The following ZNF892 variants were observed in gnomAD, a reference collection of about 807,000 sequenced individuals.
ZNF892 encodes zinc finger protein 892, also known as zinc finger protein 570-like.
chr2:95,250,062 A>G, the ZNF892 span, among the ~76,000 whole-genome samples: 1 of 152,162 alleles, frequency 6.6e-6, no homozygotes, highest in African/African-American at 2.4e-5. Context: ...TAAAGCTAGT[A>G]ATCTTATTTT....
the ZNF892 span, chr2:95,215,229 G>T: frequency 2.2e-6 from 1 of 458,150 alleles, no homozygotes; most frequent in East Asian, 3.3e-5. Context: ...GAAAGCCTTT[G>T]GCTACTGCTC....
the ZNF892 span, among the ~76,000 whole-genome samples, chr2:95,257,722 C>T: frequency 1.3e-5 from 2 of 152,172 alleles, no homozygotes; most frequent in African/African-American, 2.4e-5. Flanking sequence ...CCACCTAGTT[C>T]GAGCTTCCCT....
At chr2:95,220,657 T>TAGGGTTTGTGGTATATAACCTA in the ZNF892 span, among the ~76,000 whole-genome samples, 4 of 152,170 alleles carry the variant, frequency 2.6e-5, no homozygotes, top group African/African-American at 9.6e-5. Flanking sequence ...GTGGTATATA[T>TAGGGTTTGTGGTATATAACCTA]AGGGTTTGTG....
the ZNF892 span, among the ~76,000 whole-genome samples, chr2:95,256,767 A>G: frequency 6.6e-6 from 1 of 151,982 alleles, no homozygotes. Flanking sequence ...GGCTTTGTTC[A>G]TTTCTTTTTA....
At chr2:95,237,260 G>C in the ZNF892 span, among the ~76,000 whole-genome samples, 1 of 151,562 alleles carries the variant, frequency 6.6e-6, no homozygotes, top group South Asian at 2.1e-4. Context: ...TGATTCTCCT[G>C]CCTCAGTCTC....
At chr2:95,211,025 G>T in the ZNF892 span, among the ~76,000 whole-genome samples, 1 of 152,104 alleles carries the variant, frequency 6.6e-6, no homozygotes, top group South Asian at 2.1e-4. Context: ...CCAACTGGGG[G>T]ACGCGGGCAG....
At chr2:95,239,053 C>T in the ZNF892 span, among the ~76,000 whole-genome samples, 5 of 150,984 alleles carry the variant, frequency 3.3e-5, no homozygotes, top group South Asian at 2.1e-4. Flanking sequence ...GCAGGAGAAT[C>T]GCTTGAACCC....
the ZNF892 span, chr2:95,207,479 G>A: frequency 4.3e-6 from 1 of 233,876 alleles, no homozygotes; most frequent in African/African-American, 2.3e-5. Context: ...TGTTGGGAGT[G>A]AGGGCCGTCA....
At chr2:95,218,537 C>T in the ZNF892 span, among the ~76,000 whole-genome samples, 1 of 152,130 alleles carries the variant, frequency 6.6e-6, no homozygotes, top group Non-Finnish European at 1.5e-5. Flanking sequence ...ATATCTCTAG[C>T]ATGTACCTCA....
the ZNF892 span, among the ~76,000 whole-genome samples, chr2:95,240,008 A>G: frequency 6.6e-6 from 1 of 152,264 alleles, no homozygotes; most frequent in Non-Finnish European, 1.5e-5. Context: ...AATATTTAAC[A>G]TATCAAATAA....
chr2:95,211,258 A>G, the ZNF892 span, among the ~76,000 whole-genome samples: 1 of 152,228 alleles, frequency 6.6e-6, no homozygotes, highest in Non-Finnish European at 1.5e-5. Context: ...CATAAGGAAA[A>G]TACTTAATTC....
At chr2:95,214,664 G>A in the ZNF892 span, 1 of 402,964 alleles carries the variant, frequency 2.5e-6, no homozygotes, top group South Asian at 1.3e-4. Context: ...ATATAATTAG[G>A]CATGAGAGAA....
the ZNF892 span, among the ~76,000 whole-genome samples, chr2:95,251,148 A>T: frequency 6.6e-6 from 1 of 152,086 alleles, no homozygotes; most frequent in Non-Finnish European, 1.5e-5. Context: ...AAAATCACCT[A>T]TACATAACAT....
At chr2:95,239,782 C>T in the ZNF892 span, among the ~76,000 whole-genome samples, 1 of 152,134 alleles carries the variant, frequency 6.6e-6, no homozygotes, top group Non-Finnish European at 1.5e-5. Context: ...CATCTGCCAC[C>T]ACACCCAGCT....
the ZNF892 span, among the ~76,000 whole-genome samples, chr2:95,254,951 A>G: frequency 2.0e-5 from 3 of 151,906 alleles, no homozygotes; most frequent in Non-Finnish European, 2.9e-5. Context: ...TTTGTATTGC[A>G]TCTATTTGAT....
chr2:95,230,214 A>G, the ZNF892 span, among the ~76,000 whole-genome samples: 2 of 152,076 alleles, frequency 1.3e-5, no homozygotes, highest in Admixed American at 6.6e-5. Context: ...TTGAGGACTC[A>G]GGGGGAAAGG....
the ZNF892 span, among the ~76,000 whole-genome samples, chr2:95,216,439 G>C: frequency 3.9e-5 from 6 of 152,048 alleles, no homozygotes; most frequent in African/African-American, 1.4e-4. Context: ...CTGAGAATGT[G>C]CTTATTTACA....
At chr2:95,258,751 G>A in the ZNF892 span, among the ~76,000 whole-genome samples, 3 of 152,224 alleles carry the variant, frequency 2.0e-5, no homozygotes, top group African/African-American at 7.2e-5. Flanking sequence ...ATAGGTTCTA[G>A]AGCAAATGGG....
the ZNF892 span, chr2:95,212,414 G>T: frequency 2.5e-6 from 1 of 396,130 alleles, no homozygotes; most frequent in Non-Finnish European, 4.4e-6. Context: ...CCACATCCTA[G>T]CTCTGTGGAT....
Sources: allele counts gnomAD v4.1 joint callset (sites outside exome capture counted in the v4.1 genomes callset), GRCh38; gene constraint gnomAD v4.1.1; transcripts MANE v1.5; gene names NCBI Gene and HGNC (gene_info 2026-07-23, HGNC 2026-07-21).